Variants in RPTOR observed in about 807,000 individuals in gnomAD.
The protein encoded by RPTOR is regulatory-associated protein of mTOR.
RPTOR carries 21 observed loss-of-function variants against 169.9 expected under a neutral mutation model. The observed-to-expected ratio is 0.12, with a 90% CI of 0.09 to 0.18. The LOEUF (loss-of-function observed/expected upper bound fraction) is 0.18. Among genes scored for constraint, RPTOR ranks in the 10% least tolerant of loss-of-function variants. The pLI, the probability that RPTOR is intolerant of heterozygous loss-of-function variation, is 1.00. For synonymous variants in RPTOR, 732 were observed against 753.2 expected (o/e 0.97, Z 0.46); for missense variants, 1,133 against 1,855.9 (o/e 0.61, Z 7.16).
Position 80,947,560 on chromosome 17 carries a change from G to C in RPTOR, c.3265+209G>C, listed in dbSNP as rs1302628892. Reference sequence around the variant, plus strand: ...AAGCAAAGATGACCCCATCCTTGAGGGTTCCAGGGACTTGTCTTCTCATCT... The same window carrying C: ...AAGCAAAGATGACCCCATCCTTGAGCGTTCCAGGGACTTGTCTTCTCATCT... On this transcript the variant is annotated intron_variant, in intron 27 of 33. Transcript: ENST00000306801. The surrounding 1 kb of genome is among the most constrained non-coding windows in gnomAD (Gnocchi z 4.4). Among the ~76,000 whole-genome samples the C allele has an allele frequency of 1.3e-5, 2 of 152,188 alleles. No individual in the cohort carries two copies. The highest frequency in any genetic ancestry group is 2.1e-4 in the South Asian group (1 of 4,822).
At chr17:80,717,650 C>T (rs1392373705) in intron 4 of RPTOR, among the ~76,000 whole-genome samples, 3 of 151,960 alleles carry the variant, frequency 2.0e-5, no homozygotes, top group African/African-American at 7.3e-5. Flanking sequence ...ACGAAGCCTG[C>T]AGCATTACAG....
In RPTOR at chr17:80,895,586, G is replaced by A. The variant is rs191872872; in HGVS notation, c.2401+1721G>A. ...AATACACATAAACGGGCACGTGTGT[G>A]GTGCGTGTTCTTCAGCGTGGATACA... On this transcript the variant is annotated intron_variant, in intron 20 of 33. Coordinates refer to ENST00000306801, the MANE Select transcript of RPTOR (RefSeq NM_020761.3). Among the ~76,000 whole-genome samples the A allele has an allele frequency of 4.3e-3, 656 of 152,366 alleles. 2 individuals are homozygous for A. Among genetic ancestry groups the A allele is most frequent in the Middle Eastern group, 0.034 (10 of 294 alleles).
chr17:80,783,907 A>T (rs2066965764), intron 6 of RPTOR, among the ~76,000 whole-genome samples: 1 of 152,222 alleles, frequency 6.6e-6, no homozygotes, highest in Non-Finnish European at 1.5e-5. Context: ...TGTACATTAC[A>T]AAGTGCAGCT....
chr17:80,580,325 G>A (rs977957847), intron 1 of RPTOR, among the ~76,000 whole-genome samples: 4 of 152,126 alleles, frequency 2.6e-5, no homozygotes, highest in African/African-American at 9.7e-5. Flanking sequence ...AACCTTTAGG[G>A]GAATTGGCAC....
At chr17:80,634,491 A>G (rs201831890) in intron 2 of RPTOR, among the ~76,000 whole-genome samples, 2 of 98,928 alleles carry the variant, frequency 2.0e-5, no homozygotes, top group African/African-American at 1.2e-4. Context: ...GTGTGTGCAT[A>G]CTGTGTGTGT....
intron 1 of RPTOR, among the ~76,000 whole-genome samples, chr17:80,606,486 T>A (rs1038052248): frequency 5.9e-5 from 9 of 152,074 alleles, no homozygotes; most frequent in Non-Finnish European, 1.2e-4. Flanking sequence ...CTTTTGAAAA[T>A]TTTTTACCTG....
At chr17:80,670,912 C>T (rs947201264) in intron 3 of RPTOR, among the ~76,000 whole-genome samples, 9 of 152,080 alleles carry the variant, frequency 5.9e-5, no homozygotes, top group African/African-American at 2.2e-4. Flanking sequence ...AGCACACGCT[C>T]GTCCTTGTTA....
intron 4 of RPTOR, among the ~76,000 whole-genome samples, chr17:80,717,986 C>T (rs2066254087): frequency 6.6e-6 from 1 of 152,202 alleles, no homozygotes; most frequent in South Asian, 2.1e-4. Flanking sequence ...CCCTGTCTGC[C>T]TTTTCTTCTT....
intron 7 of RPTOR, among the ~76,000 whole-genome samples, chr17:80,800,213 C>T (rs918430868): frequency 5.3e-5 from 8 of 152,182 alleles, no homozygotes; most frequent in African/African-American, 1.9e-4. Context: ...TGCCCCCAGA[C>T]GGTCAGAAAT....
At chr17:80,827,732 C>T (rs765398452) in intron 9 of RPTOR, among the ~76,000 whole-genome samples, 10 of 152,158 alleles carry the variant, frequency 6.6e-5, no homozygotes, top group Non-Finnish European at 1.5e-4. Context: ...CACAGCTCCC[C>T]TGAGGCACAC....
intron 6 of RPTOR, among the ~76,000 whole-genome samples, chr17:80,761,007 C>T (rs1301157674): frequency 6.6e-6 from 1 of 152,228 alleles, no homozygotes; most frequent in African/African-American, 2.4e-5. Context: ...TCATTTTTGC[C>T]TGTCTTTTTC....
chr17:80,801,198 G>A (rs2067153282), intron 7 of RPTOR, among the ~76,000 whole-genome samples: 1 of 152,212 alleles, frequency 6.6e-6, no homozygotes, highest in East Asian at 1.9e-4. Context: ...GCTTCCTGGG[G>A]AATGATAGTG....
intron 3 of RPTOR, among the ~76,000 whole-genome samples, chr17:80,679,103 G>T (rs34135683): frequency 0.16 from 24,337 of 152,086 alleles, 2,870 homozygotes; most frequent in African/African-American, 0.34. Flanking sequence ...GGTCTCTGCC[G>T]GGCGCAGCGG....
intron 21 of RPTOR, among the ~76,000 whole-genome samples, chr17:80,918,151 G>C (rs572075211): frequency 6.6e-6 from 1 of 152,304 alleles, no homozygotes; most frequent in South Asian, 2.1e-4. Context: ...CTGCAGACCT[G>C]GGGAACGAGG....
chr17:80,905,818 G>A (rs891386309), intron 20 of RPTOR, among the ~76,000 whole-genome samples: 1 of 152,174 alleles, frequency 6.6e-6, no homozygotes, highest in Non-Finnish European at 1.5e-5. Context: ...GGAGTGGGGG[G>A]CCTCCTGCCG....
chr17:80,636,081 C>G (rs565931148), intron 2 of RPTOR, among the ~76,000 whole-genome samples: 2 of 152,268 alleles, frequency 1.3e-5, no homozygotes, highest in East Asian at 1.9e-4. Context: ...AATCAAGACT[C>G]CAGCTTTATT....
intron 1 of RPTOR, among the ~76,000 whole-genome samples, chr17:80,553,733 G>A (rs781025343): frequency 2.9e-5 from 4 of 139,698 alleles, no homozygotes; most frequent in African/African-American, 7.8e-5. Flanking sequence ...TTCACCAGAG[G>A]ATAGGTGTTT....
chr17:80,706,256 C>G (rs533982110), intron 3 of RPTOR, among the ~76,000 whole-genome samples: 6 of 152,134 alleles, frequency 3.9e-5, no homozygotes, highest in Admixed American at 6.5e-5. Flanking sequence ...CTTTCACACC[C>G]GTTGTTCCCC....
intron 17 of RPTOR, among the ~76,000 whole-genome samples, chr17:80,890,829 C>CGGAG (rs1056511796): frequency 6.6e-6 from 1 of 151,950 alleles, no homozygotes; most frequent in African/African-American, 2.4e-5. Context: ...AGTGCGTAGA[C>CGGAG]GGAGAGTGGG....
Sources: gnomAD v4.1 joint callset for allele counts (sites outside exome capture counted in the v4.1 genomes callset) on GRCh38, gnomAD v4.1.1 for gene constraint, Gnocchi (gnomAD v3.1) non-coding constraint, MANE v1.5 for transcripts, NCBI Gene and HGNC (gene_info 2026-07-23, HGNC 2026-07-21) for gene names.